The following KCNIP1 variants were observed in gnomAD, a reference collection of about 807,000 sequenced individuals.
KCNIP1 encodes the protein A-type potassium channel modulatory protein KCNIP1.
Under a neutral mutation model 33.0 loss-of-function variants are expected in KCNIP1, and 18 were observed. The observed-to-expected ratio is 0.55, with a 90% CI of 0.38 to 0.81. The LOEUF is 0.81. KCNIP1 is among the 30% of genes least tolerant of loss of function. KCNIP1 has a pLI of 0.00. For synonymous variants in KCNIP1, 93 were observed against 98.3 expected, an observed-to-expected ratio of 0.95 and a Z score of 0.32; for missense variants, 238 against 271.6, an observed-to-expected ratio of 0.88 and a Z score of 0.87.
intron 1 of KCNIP1, among the ~76,000 whole-genome samples, chr5:170,666,396 C>G (rs1410198311): frequency 6.6e-6 from 1 of 152,148 alleles, no homozygotes; most frequent in Non-Finnish European, 1.5e-5. Flanking sequence ...CTTTGAGCAT[C>G]TCCTGCCCTG....
At chr5:170,707,196 T>A (rs1019555869) in intron 1 of KCNIP1, among the ~76,000 whole-genome samples, 2 of 151,900 alleles carry the variant, frequency 1.3e-5, no homozygotes, top group African/African-American at 2.4e-5. Flanking sequence ...AGGGCACTTT[T>A]TCCAGACAAA....
intron 1 of KCNIP1, among the ~76,000 whole-genome samples, chr5:170,638,436 T>C (rs764984996): frequency 2.0e-3 from 304 of 152,282 alleles, no homozygotes; most frequent in Non-Finnish European, 3.4e-3. Flanking sequence ...TTAAGTAACT[T>C]ACCCAAGGTC....
intron 1 of KCNIP1, among the ~76,000 whole-genome samples, chr5:170,451,184 A>C (rs1756240647): frequency 6.6e-6 from 1 of 152,210 alleles, no homozygotes; most frequent in African/African-American, 2.4e-5. Flanking sequence ...GTCATGTCTA[A>C]ACGCAGATAA....
chr5:170,505,796 C>T (rs1258722275), intron 1 of KCNIP1, among the ~76,000 whole-genome samples: 4 of 152,310 alleles, frequency 2.6e-5, no homozygotes, highest in South Asian at 2.1e-4. Flanking sequence ...GGCTGAGCCC[C>T]GAGGAAAGAG....
intron 1 of KCNIP1, among the ~76,000 whole-genome samples, chr5:170,640,827 C>T (rs531224457): frequency 1.3e-5 from 2 of 152,256 alleles, no homozygotes; most frequent in East Asian, 3.9e-4. Context: ...GGGGGGACAC[C>T]TCACAGAAGG....
intron 1 of KCNIP1, chr5:170,712,737 A>G (rs1763496013): frequency 3.2e-6 from 3 of 926,554 alleles, no homozygotes; most frequent in South Asian, 2.6e-5. Context: ...GGCTCTTCGC[A>G]TATGTCAAGC....
intron 1 of KCNIP1, chr5:170,486,436 A>C (rs1426036130): frequency 6.6e-6 from 1 of 152,254 alleles, no homozygotes; most frequent in Non-Finnish European, 1.5e-5. Flanking sequence ...ACTCCGGTGC[A>C]AGGGTTGGGC....
At chr5:170,544,537 C>T (rs1337596216) in intron 1 of KCNIP1, among the ~76,000 whole-genome samples, 1 of 152,072 alleles carries the variant, frequency 6.6e-6, no homozygotes, top group Non-Finnish European at 1.5e-5. Flanking sequence ...TTTATATTTA[C>T]TATACTTACA....
Position 170,688,785 on chromosome 5 carries a change from T to A in KCNIP1, c.62-29973T>A, listed in dbSNP as rs112182172. On this transcript the variant is annotated intron_variant, in intron 1 of 7. Coordinates refer to ENST00000328939, the MANE Select transcript of KCNIP1 (RefSeq NM_014592.4). ...TAAGATTTTTCCATGGGAACAAAGA[T>A]CTAAATTCTGGGACTATCTGGGCCA... 3.4e-3 allele frequency among the ~76,000 whole-genome samples: 512 copies of A among 152,268 alleles called. 3 individuals are homozygous for A. The highest frequency in any genetic ancestry group is 0.012 in the African/African-American group (484 of 41,542).
intron 1 of KCNIP1, among the ~76,000 whole-genome samples, chr5:170,572,585 C>T (rs2113491819): frequency 6.6e-6 from 1 of 152,324 alleles, no homozygotes; most frequent in Admixed American, 6.5e-5. Context: ...TTCCTCTCTG[C>T]CATAGGATCA....
At position 170,487,471 on chromosome 5, in the gene KCNIP1, T is replaced by C. The variant is rs1757121868; in HGVS notation, c.88+133507T>C. On this transcript the variant is annotated intron_variant, in intron 1 of 7. Transcript: ENST00000377360. ...AACCCTTCTAAAGTGCACAATTCCA[T>C]GTTTTTAGCATGTTCACAAGGTCAT... Among the ~76,000 whole-genome samples, 2 of 151,818 alleles carry C rather than the reference T, an allele frequency of 1.3e-5. 1 individual carries two copies. The highest frequency in any genetic ancestry group is 4.2e-4 in the South Asian group (2 of 4,816).
chr5:170,640,100 G>A (rs1219653364), intron 1 of KCNIP1, among the ~76,000 whole-genome samples: 1 of 152,204 alleles, frequency 6.6e-6, no homozygotes, highest in Admixed American at 6.5e-5. Flanking sequence ...GGCTTCCAGA[G>A]AGACTTAGGA....
At chr5:170,453,937 A>G (rs754088043) in intron 1 of KCNIP1, among the ~76,000 whole-genome samples, 1 of 152,234 alleles carries the variant, frequency 6.6e-6, no homozygotes, top group Non-Finnish European at 1.5e-5. Flanking sequence ...CCTGACAAGT[A>G]AAATACAGAC....
chr5:170,642,477 A>C (rs1054671131), intron 1 of KCNIP1, among the ~76,000 whole-genome samples: 2 of 152,186 alleles, frequency 1.3e-5, no homozygotes, highest in Admixed American at 6.5e-5. Flanking sequence ...AGAGGGTCTC[A>C]GTTCACTGAG....
chr5:170,474,738 G>A (rs1343542608), intron 1 of KCNIP1, among the ~76,000 whole-genome samples: 1 of 152,210 alleles, frequency 6.6e-6, no homozygotes, highest in Non-Finnish European at 1.5e-5. Flanking sequence ...GTGGAACCCA[G>A]GTGTTGTGTC....
At chr5:170,503,474 C>T (rs938339297), upstream of KCNIP1, among the ~76,000 whole-genome samples, 9 of 151,962 alleles carry the variant, frequency 5.9e-5, no homozygotes, top group African/African-American at 1.9e-4. Flanking sequence ...TCCCCAACTC[C>T]CTGTCACTAG....
intron 1 of KCNIP1, among the ~76,000 whole-genome samples, chr5:170,563,204 G>A (rs549969589): frequency 9.2e-5 from 14 of 152,294 alleles, no homozygotes; most frequent in South Asian, 8.3e-4. Context: ...TTTGGCAGGC[G>A]CTGCTGCTCC....
At position 170,421,216 on chromosome 5, in the gene KCNIP1, C is replaced by T. The variant is rs1453975297; in HGVS notation, c.88+67252C>T. On this transcript the variant is annotated intron_variant, in intron 1 of 7. Coordinates refer to the KCNIP1 transcript ENST00000377360. The stretch of plus-strand genomic sequence containing the variant: ...ATGTCGGCAAACCTTGGCCGTGGTG[C>T]ACTCTTGTTTCCTGGTTGCAAAAGG... Among the ~76,000 whole-genome samples the T allele has an allele frequency of 2.0e-5, 3 of 152,058 alleles. No individual in the cohort carries two copies. The East Asian group carries it at 5.8e-4, about 29-fold the overall frequency.
intron 1 of KCNIP1, among the ~76,000 whole-genome samples, chr5:170,666,933 T>C (rs1761726050): frequency 6.6e-6 from 1 of 152,272 alleles, no homozygotes. Flanking sequence ...ATAGTTGGCC[T>C]CATTTTCCTC....
Sources: allele counts gnomAD v4.1 joint callset (sites outside exome capture counted in the v4.1 genomes callset), GRCh38; gene constraint gnomAD v4.1.1; transcripts MANE v1.5; gene names NCBI Gene and HGNC (gene_info 2026-07-23, HGNC 2026-07-21).